SETD1B: variants seen among roughly 807,000 people sequenced by gnomAD.
SETD1B encodes the protein SET domain containing 1B, histone lysine methyltransferase.
In SETD1B, 7 loss-of-function variants were observed where a neutral mutation model predicts 148.0. That is an observed-to-expected ratio of 0.05 (90% CI 0.03 to 0.09). SETD1B has a LOEUF of 0.09. Among genes scored for constraint, SETD1B ranks in the 10% least tolerant of loss-of-function variants. The pLI is 1.00. For synonymous variants in SETD1B, 1,361 were observed against 1,186.5 expected (o/e 1.15, Z -3.02); for missense variants, 2,155 against 2,729.9 (o/e 0.79, Z 4.69).
rs1876645646 is a variant in SETD1B, at chr12:121,823,021, C to T, written c.4442C>T (p.Pro1481Leu). ...GLPLPLPLPL[P>L]LPLALPAVLR... is the part of the protein sequence containing the mutation. The stretch of plus-strand genomic sequence containing the variant: ...CCCCTCCCTCTGCCCCTTCCCCTGC[C>T]CTTGCCCTTGGCATTGCCCGCCGTC... Residue 1481 changes from proline (P) to leucine (L), a missense_variant, in exon 12 of 17, where the codon CCC (proline) becomes CTC (leucine). Physicochemically the swap from Pro to Leu is moderately conservative, Grantham distance 98. Around this residue, in one of 11 missense-constraint regions of SETD1B, gnomAD observed 862 missense variants for 873.8 expected, o/e 0.99. Coordinates refer to ENST00000604567, the MANE Select transcript of SETD1B (RefSeq NM_001353345.2). 6.6e-7 allele frequency: 1 copy of T among 1,519,890 alleles called. No individual in the cohort carries two copies. Among genetic ancestry groups the T allele is most frequent in the Non-Finnish European group, 8.8e-7 (1 of 1,135,436 alleles). The allele number at this position is 1,519,890 out of a possible 1,614,324, so 94.2% of individuals were successfully genotyped here. A position where few individuals can be genotyped will look rare whatever the true frequency, so the allele number is the denominator to read the frequency against.
At chr12:121,811,498 C>T (rs901835652) in intron 6 of SETD1B, among the ~76,000 whole-genome samples, 1 of 152,204 alleles carries the variant, frequency 6.6e-6, no homozygotes, top group Non-Finnish European at 1.5e-5. Flanking sequence ...CCACCCTCTC[C>T]TCAGGTCATG....
chr12:121,817,384 C>A lies in SETD1B; in HGVS notation c.2992C>A (p.Arg998=), dbSNP rs1876341283. 3.9e-6 allele frequency: 6 copies of A among 1,525,986 alleles called. No individual in the cohort carries two copies. In the South Asian group the frequency reaches 5.0e-5, roughly 13 times the overall value. The allele number at this position is 1,525,986 out of a possible 1,614,324, so 94.5% of individuals were successfully genotyped here. A position where few individuals can be genotyped will look rare whatever the true frequency, so the allele number is the denominator to read the frequency against. The change falls in exon 9 of 17, where the codon CGA becomes AGA. Residue 998 remains arginine, a synonymous_variant. Coordinates refer to ENST00000604567, the MANE Select transcript of SETD1B (RefSeq NM_001353345.2). The surrounding 1 kb of genome is among the most constrained non-coding windows in gnomAD (Gnocchi z 8.1). The part of the protein sequence containing the change: ...DEEDEESERE[R]DRDMADTPCE... The stretch of plus-strand genomic sequence containing the variant: ...CCTTCCTGCAGAGTCCGAGCGAGAG[C>A]GAGACCGGGATATGGCAGACACCCC...
In SETD1B at chr12:121,817,551, G is replaced by C. The variant is rs1253458884; in HGVS notation, c.3159G>C (p.Ser1053=). The change falls in exon 9 of 17, where the codon TCG becomes TCC. Residue 1053 remains serine, a synonymous_variant. Transcript: ENST00000604567. This position sits in a 1 kb window ranked among gnomAD's most constrained non-coding sequence, Gnocchi z 8.1. The part of the protein sequence containing the change: ...ASSSSSASSS[S]GSSTTSPSSS... ...CGTCCTCATCCGCGTCATCATCCTC[G>C]GGGTCCTCAACCACCTCACCCTCGT... 2.1e-5 allele frequency: 32 copies of C among 1,551,526 alleles called. No homozygotes were observed. The highest frequency in any genetic ancestry group is 2.8e-5 in the Non-Finnish European group (32 of 1,146,902).
chr12:121,824,348 C>T lies in SETD1B; in HGVS notation c.5170+599C>T, dbSNP rs368789393. Among the ~76,000 whole-genome samples, 9 of 152,284 alleles carry T rather than the reference C, an allele frequency of 5.9e-5. No homozygotes were observed. In the East Asian group the frequency reaches 1.5e-3, roughly 26 times the overall value. Reference sequence around the variant, plus strand: ...TGATTTGTGAGCACTCAGTTTGTGTCAAGAGCTCTGCTCAAGTGCCGGGCA... The same window carrying T: ...TGATTTGTGAGCACTCAGTTTGTGTTAAGAGCTCTGCTCAAGTGCCGGGCA... On this transcript the variant is annotated intron_variant, in intron 12 of 16. Transcript: ENST00000604567.
chr12:121,819,345 G>A, intron 10 of SETD1B, 59 bp from the exon 11 acceptor site: 3 of 1,546,904 alleles, frequency 1.9e-6, no homozygotes, highest in Middle Eastern at 1.7e-4. Flanking sequence ...TGAGGGGTCT[G>A]GTGGGGGCTG....
At chr12:121,799,731 T>TGG (rs1308261766), upstream of SETD1B, 12 of 31,726 alleles carry the variant, frequency 3.8e-4, no homozygotes, top group Non-Finnish European at 4.1e-4. Flanking sequence ...GGGGGGGGGG[T>TGG]GGGGTGGGGC....
rs1186040079 is a variant in SETD1B at position 121,823,060 on chromosome 12, C to T, written c.4481C>T (p.Ala1494Val). Residue 1494 changes from alanine to valine, a missense_variant, in exon 12 of 17, where the codon GCT becomes GTT. Physicochemically the swap from Ala to Val is moderately conservative, Grantham distance 64 (BLOSUM62 0). Around this residue, in one of 11 missense-constraint regions of SETD1B, gnomAD observed 862 missense variants for 873.8 expected, o/e 0.99. Transcript: ENST00000604567. ...TTGCCCGCCGTCTTGCGGGCCCAGGCTCGTGCGCCCACCCCGCTGCCACCC... is the reference window on the plus strand; with the variant it reads ...TTGCCCGCCGTCTTGCGGGCCCAGGTTCGTGCGCCCACCCCGCTGCCACCC... ...LALPAVLRAQ[A>V]RAPTPLPPLL... 7 of 1,516,890 alleles carry T rather than the reference C, an allele frequency of 4.6e-6. No individual in the cohort carries two copies. Among genetic ancestry groups the T allele is most frequent in the Admixed American group, 2.0e-5 (1 of 49,972 alleles). The allele number at this position is 1,516,890 out of a possible 1,614,324, so 94.0% of individuals were successfully genotyped here. A position where few individuals can be genotyped will look rare whatever the true frequency, so the allele number is the denominator to read the frequency against.
chr12:121,807,799 G>T (rs373004005), intron 4 of SETD1B, among the ~76,000 whole-genome samples: 6 of 152,118 alleles, frequency 3.9e-5, no homozygotes, highest in African/African-American at 1.4e-4. Flanking sequence ...AACAAACTCT[G>T]GCTTCTGTGT....
Position 121,808,174 on chromosome 12 carries a change from C to G in SETD1B, c.545-34C>G. ...TGTGGGGGCTGCCCCATCCTGGAACCTCACTGAGTTCCCCCTTTCCTGCCC... is the reference window on the plus strand; with the variant it reads ...TGTGGGGGCTGCCCCATCCTGGAACGTCACTGAGTTCCCCCTTTCCTGCCC... On this transcript the variant is annotated intron_variant, in intron 4 of 16. Coordinates refer to ENST00000604567, the MANE Select transcript of SETD1B (RefSeq NM_001353345.2). This position sits in a 1 kb window ranked among gnomAD's most constrained non-coding sequence, Gnocchi z 5.3. The G allele has an allele frequency of 6.6e-7, 1 of 1,505,496 alleles. No individual in the cohort carries two copies. The highest frequency in any genetic ancestry group is 9.0e-7 in the Non-Finnish European group (1 of 1,106,944). 93.3% of individuals were successfully genotyped at this position (1,505,496 alleles called of 1,614,324 possible). A position where few individuals can be genotyped will look rare whatever the true frequency, so the allele number is the denominator to read the frequency against.
chr12:121,819,687 G>A lies in SETD1B; in HGVS notation c.3702G>A (p.Val1234=), dbSNP rs1239650866. 2 of 1,551,066 alleles carry A rather than the reference G, an allele frequency of 1.3e-6. No individual in the cohort carries two copies. The highest frequency in any genetic ancestry group is 2.4e-5 in the East Asian group (1 of 40,940). Residue 1234 remains valine, a synonymous_variant, in exon 11 of 17, where the codon GTG becomes GTA. Transcript: ENST00000604567. The part of the protein sequence containing the change: ...AVDSLGMEEE[V]DIETEAVAPE... ...ACTCGTTGGGCATGGAAGAGGAGGTGGACATCGAGACTGAGGCTGTGGCCC... is the reference window on the plus strand; with the variant it reads ...ACTCGTTGGGCATGGAAGAGGAGGTAGACATCGAGACTGAGGCTGTGGCCC...
the SETD1B span, chr12:121,797,334 GC>G: frequency 2.4e-6 from 1 of 420,076 alleles, no homozygotes; most frequent in Non-Finnish European, 4.8e-6. Context: ...CTCTCTGCAA[GC>G]CCTGGGGCCC....
Position 121,822,853 on chromosome 12 carries a change from C to T in SETD1B, c.4274C>T (p.Thr1425Ile). Residue 1425 changes from threonine (T) to isoleucine (I), a missense_variant, in exon 12 of 17, where the codon ACA becomes ATA. Transcript: ENST00000604567. ...PSLSSGGLPR[T>I]PGRDFSFTPT... ...TTGAGCAGTGGGGGCCTCCCTCGGA[C>T]ACCTGGCCGGGACTTCAGCTTCACA... The T allele has an allele frequency of 6.7e-7, 1 of 1,487,820 alleles. No homozygotes were observed. Among genetic ancestry groups the T allele is most frequent in the Non-Finnish European group, 9.0e-7 (1 of 1,113,702 alleles). The allele number at this position is 1,487,820 out of a possible 1,614,324, so 92.2% of individuals were successfully genotyped here.
Position 121,822,647 on chromosome 12 carries a change from C to T in SETD1B, c.4068C>T (p.Ala1356=), listed in dbSNP as rs1240412181. 4 of 1,551,128 alleles carry T rather than the reference C, an allele frequency of 2.6e-6. No homozygotes were observed. The highest frequency in any genetic ancestry group is 1.2e-5 in the South Asian group (1 of 84,024). ...SHPSVPPEPL[A]EDHPPHTPGL... is the part of the protein sequence containing the mutation. ...CATCTGTCCCTCCGGAGCCCCTTGCCGAGGACCACCCCCCGCATACTCCAG... is the reference window on the plus strand; with the variant it reads ...CATCTGTCCCTCCGGAGCCCCTTGCTGAGGACCACCCCCCGCATACTCCAG... Residue 1356 remains alanine (A), a synonymous_variant, in exon 12 of 17, where the codon GCC becomes GCT. Transcript: ENST00000604567.
At chr12:121,799,752 A>C (rs1875232417), upstream of SETD1B, 1 of 85,502 alleles carries the variant, frequency 1.2e-5, no homozygotes, top group African/African-American at 3.6e-5. Flanking sequence ...GGGGCCGCAG[A>C]ACCAGCCCGG....
At position 121,817,064 on chromosome 12, in the gene SETD1B, ACAAGGACGAGGACAGGCCGAAGCC is replaced by A. The variant is rs1380015952; in HGVS notation, c.2755_2778del (p.Glu919_Asp926del). 9 of 1,538,266 alleles carry A rather than the reference ACAAGGACGAGGACAGGCCGAAGCC, an allele frequency of 5.9e-6. No individual in the cohort carries two copies. The highest frequency in any genetic ancestry group is 1.4e-5 in the African/African-American group (1 of 72,800). On this transcript the variant is annotated inframe_deletion, in exon 8 of 17. Transcript: ENST00000604567. This position sits in a 1 kb window ranked among gnomAD's most constrained non-coding sequence, Gnocchi z 8.1. Reference sequence around the variant, plus strand: ...CTGACCCCGGTGAAGTCGGGCGAGCACAAGGACGAGGACAGGCCGAAGCCCAAGGACCGCATCGCCTCGTGCCTG... The same window carrying A: ...CTGACCCCGGTGAAGTCGGGCGAGCACAAGGACCGCATCGCCTCGTGCCTG...
In SETD1B at chr12:121,823,136, GGGCCGGCCCC is replaced by G; in HGVS notation, c.4561_4570del (p.Arg1521AspfsTer47). On this transcript the variant is annotated frameshift_variant, in exon 12 of 17. Transcript: ENST00000604567. LOFTEE classifies it high-confidence loss of function. Reference sequence around the variant, plus strand: ...GCCCTCCCCCAATGAAGAGGAAGCCGGGCCGGCCCCGGCGATCCCCACCATCTATGCTCTC... The same window carrying G: ...GCCCTCCCCCAATGAAGAGGAAGCCGGGCGATCCCCACCATCTATGCTCTC... 1 of 1,409,330 alleles carries G rather than the reference GGGCCGGCCCC, an allele frequency of 7.1e-7. No individual in the cohort carries two copies. The highest frequency in any genetic ancestry group is 9.3e-7 in the Non-Finnish European group (1 of 1,073,004). The allele number at this position is 1,409,330 out of a possible 1,614,324, so 87.3% of individuals were successfully genotyped here.
chr12:121,817,245 C>A lies in SETD1B; in HGVS notation c.2928C>A (p.Gly976=), dbSNP rs191488950. The A allele has an allele frequency of 1.3e-6, 2 of 1,551,028 alleles. No homozygotes were observed. Among genetic ancestry groups the A allele is most frequent in the African/African-American group, 2.7e-5 (2 of 73,172 alleles). ...RKEPPDTTSS[G]DQKRLRPSTS... is the part of the protein sequence containing the mutation. ...AGCCACCAGACACCACCTCATCTGG[C>A]GACCAGAAGCGGCTGCGGCCCTCGA... The change falls in exon 8 of 17, where the codon GGC becomes GGA. Residue 976 remains glycine, a synonymous_variant. Coordinates refer to ENST00000604567, the MANE Select transcript of SETD1B (RefSeq NM_001353345.2). The surrounding 1 kb of genome is among the most constrained non-coding windows in gnomAD (Gnocchi z 8.1).
At position 121,823,620 on chromosome 12, in the gene SETD1B, C is replaced by G; in HGVS notation, c.5041C>G (p.Leu1681Val). The G allele has an allele frequency of 6.4e-7, 1 of 1,551,592 alleles. No individual in the cohort carries two copies. The highest frequency in any genetic ancestry group is 8.7e-7 in the Non-Finnish European group (1 of 1,146,972). The change falls in exon 12 of 17, where the codon CTG becomes GTG. Residue 1681 changes from leucine to valine, a missense_variant. This residue lies in a region of SETD1B where 96 missense variants were observed against 148.7 expected (regional missense o/e 0.65). Coordinates refer to ENST00000604567, the MANE Select transcript of SETD1B (RefSeq NM_001353345.2). ...CTCGGAGTTTGAGGAGATGACCATC[C>G]TGTATGACATCTGGAACGGTGGCAT... ...PRSEFEEMTI[L>V]YDIWNGGIDE...
chr12:121,822,996 C>G lies in SETD1B; in HGVS notation c.4417C>G (p.Pro1473Ala). The G allele has an allele frequency of 1.3e-6, 2 of 1,530,368 alleles. No homozygotes were observed. Among genetic ancestry groups the G allele is most frequent in the Non-Finnish European group, 1.8e-6 (2 of 1,140,184 alleles). 94.8% of individuals were successfully genotyped at this position (1,530,368 alleles called of 1,614,324 possible). The stretch of plus-strand genomic sequence containing the variant: ...CCCGGTGCTCCTGGAGACGGGCCTG[C>G]CCCTCCCTCTGCCCCTTCCCCTGCC... ...ASPVLLETGL[P>A]LPLPLPLPLP... Residue 1473 changes from proline (P) to alanine (A), a missense_variant, in exon 12 of 17, where the codon CCC becomes GCC. Pro to Ala is a conservative substitution (Grantham distance 27). This residue lies in a region of SETD1B where 862 missense variants were observed against 873.8 expected (regional missense o/e 0.99). Transcript: ENST00000604567.
Sources: allele counts gnomAD v4.1 joint callset (sites outside exome capture counted in the v4.1 genomes callset), GRCh38; gene constraint gnomAD v4.1.1; regional missense constraint gnomAD v4.1.1; non-coding constraint Gnocchi (gnomAD v3.1); transcripts MANE v1.5; gene names NCBI Gene and HGNC (gene_info 2026-07-23, HGNC 2026-07-21).